Variants in PPARGC1A observed in about 807,000 individuals in gnomAD.
PPARGC1A encodes PPARG coactivator 1 alpha.
PPARGC1A carries 25 observed loss-of-function variants against 88.7 expected under a neutral mutation model. The ratio of observed to expected loss-of-function variants is 0.28; its 90% CI spans 0.21 to 0.39. The LOEUF (loss-of-function observed/expected upper bound fraction) is 0.39. Among genes scored for constraint, PPARGC1A ranks in the 10% least tolerant of loss-of-function variants. The pLI, the probability that PPARGC1A is intolerant of heterozygous loss-of-function variation, is 1.00. For missense variants in PPARGC1A, 880 were observed against 968.7 expected (o/e 0.91, Z 1.22); for synonymous variants, 363 against 355.6 (o/e 1.02, Z -0.24).
chr4:24,387,822 AAGAG>A, the PPARGC1A span, among the ~76,000 whole-genome samples: 3,925 of 67,634 alleles, frequency 0.058, 167 homozygotes, highest in Non-Finnish European at 0.081. Flanking sequence ...GAAAGAAAGA[AAGAG>A]AGAAAGAGAG....
At chr4:24,337,457 C>T in the PPARGC1A span, among the ~76,000 whole-genome samples, 5 of 150,284 alleles carry the variant, frequency 3.3e-5, no homozygotes, top group South Asian at 1.1e-3. Flanking sequence ...GACAGACAGA[C>T]ATGAAAATAA....
intron 2 of PPARGC1A, among the ~76,000 whole-genome samples, chr4:23,878,962 T>G (rs1301742159): frequency 1.3e-5 from 2 of 152,250 alleles, no homozygotes; most frequent in East Asian, 3.8e-4. Context: ...GGCTATTATT[T>G]TCTTACTTGA....
upstream of PPARGC1A, chr4:23,890,234 A>G: frequency 2.1e-6 from 1 of 468,340 alleles, no homozygotes; most frequent in Non-Finnish European, 3.3e-6. Flanking sequence ...AAAAAAAAAG[A>G]AAGAAAAAGA....
the PPARGC1A span, among the ~76,000 whole-genome samples, chr4:24,130,269 T>C: frequency 6.6e-6 from 1 of 152,176 alleles, no homozygotes; most frequent in African/African-American, 2.4e-5. Flanking sequence ...GGTACTGTTT[T>C]TATATCTCCA....
the PPARGC1A span, among the ~76,000 whole-genome samples, chr4:24,136,841 G>A: frequency 6.6e-6 from 1 of 152,058 alleles, no homozygotes; most frequent in Non-Finnish European, 1.5e-5. Context: ...TGGACCTGGG[G>A]TCAGTGGCTC....
chr4:24,029,286 A>G, the PPARGC1A span, among the ~76,000 whole-genome samples: 8 of 152,336 alleles, frequency 5.3e-5, no homozygotes, highest in South Asian at 4.1e-4. Flanking sequence ...CATGAAGCCC[A>G]TAAGTGGAAA....
the PPARGC1A span, among the ~76,000 whole-genome samples, chr4:24,286,632 T>C: frequency 2.0e-5 from 3 of 152,364 alleles, 1 homozygote; most frequent in Middle Eastern, 0.01. Flanking sequence ...TGGGCTCAGA[T>C]GCCATCGTTG....
chr4:24,131,045 C>T, the PPARGC1A span, among the ~76,000 whole-genome samples: 1 of 152,202 alleles, frequency 6.6e-6, no homozygotes, highest in Non-Finnish European at 1.5e-5. Context: ...TCAATGGCTC[C>T]TTCATCACAC....
chr4:23,844,497 AT>A (rs1268220535), intron 2 of PPARGC1A, among the ~76,000 whole-genome samples: 8 of 55,810 alleles, frequency 1.4e-4, no homozygotes, highest in South Asian at 9.5e-4. Context: ...TAATCATAAT[AT>A]ATAATATAAT....
the PPARGC1A span, among the ~76,000 whole-genome samples, chr4:23,914,950 A>T: frequency 6.6e-6 from 1 of 152,218 alleles, no homozygotes; most frequent in Non-Finnish European, 1.5e-5. Context: ...ATAATTTCTG[A>T]AGGAGTCCTT....
At chr4:24,434,729 C>T in the PPARGC1A span, among the ~76,000 whole-genome samples, 26 of 152,156 alleles carry the variant, frequency 1.7e-4, no homozygotes, top group African/African-American at 5.8e-4. Context: ...GATTGCCCCT[C>T]GATGCATTGT....
At chr4:24,438,615 C>T in the PPARGC1A span, among the ~76,000 whole-genome samples, 1 of 152,122 alleles carries the variant, frequency 6.6e-6, no homozygotes, top group East Asian at 1.9e-4. Context: ...TTTCTGTTTG[C>T]GATGTGTTTT....
chr4:23,872,557 G>A lies in PPARGC1A; in HGVS notation c.234+12195C>T, dbSNP rs183606465. 2.0e-5 allele frequency among the ~76,000 whole-genome samples: 3 copies of A among 152,254 alleles called. No homozygotes were observed. The East Asian group carries it at 5.8e-4, about 30-fold the overall frequency. On this transcript the variant is annotated intron_variant, in intron 2 of 12. Coordinates refer to ENST00000264867, the MANE Select transcript of PPARGC1A (RefSeq NM_013261.5). ...AGGCATTTCTAAAGACAATAAGTAGGAGAAGGGCAGAATTTATCTGCTAGT... is the reference window on the plus strand; with the variant it reads ...AGGCATTTCTAAAGACAATAAGTAGAAGAAGGGCAGAATTTATCTGCTAGT...
the PPARGC1A span, among the ~76,000 whole-genome samples, chr4:24,281,122 A>G: frequency 1.3e-5 from 2 of 152,210 alleles, no homozygotes; most frequent in African/African-American, 4.8e-5. Context: ...TGGCATATAC[A>G]TGACTTACAG....
chr4:24,201,086 A>G, the PPARGC1A span, among the ~76,000 whole-genome samples: 1 of 152,242 alleles, frequency 6.6e-6, no homozygotes, highest in Admixed American at 6.5e-5. Context: ...TATAAAAAAG[A>G]ACATATACAT....
chr4:24,184,248 G>C, the PPARGC1A span, among the ~76,000 whole-genome samples: 1 of 152,122 alleles, frequency 6.6e-6, no homozygotes, highest in Non-Finnish European at 1.5e-5. Context: ...CCCCAATTTG[G>C]AAATTAGGAA....
At chr4:24,341,983 C>T in the PPARGC1A span, among the ~76,000 whole-genome samples, 8 of 152,150 alleles carry the variant, frequency 5.3e-5, no homozygotes, top group Non-Finnish European at 1.2e-4. Flanking sequence ...GAGGGTCTTG[C>T]CACCATTTTG....
At chr4:23,860,659 A>G (rs1351236651) in intron 2 of PPARGC1A, among the ~76,000 whole-genome samples, 1 of 152,244 alleles carries the variant, frequency 6.6e-6, no homozygotes, top group Non-Finnish European at 1.5e-5. Flanking sequence ...CAGAGAGATT[A>G]CAAGCAATGC....
chr4:24,142,673 C>CA, the PPARGC1A span, among the ~76,000 whole-genome samples: 1 of 146,712 alleles, frequency 6.8e-6, no homozygotes, highest in South Asian at 2.3e-4. Flanking sequence ...GGCTCCATCT[C>CA]AAAAAATAAA....
Sources: allele counts gnomAD v4.1 joint callset (sites outside exome capture counted in the v4.1 genomes callset), GRCh38; gene constraint gnomAD v4.1.1; transcripts MANE v1.5; gene names NCBI Gene and HGNC (gene_info 2026-07-23, HGNC 2026-07-21).